Variants in UBE2E2 observed in about 807,000 individuals in gnomAD.
UBE2E2 encodes the protein ubiquitin conjugating enzyme E2 E2.
In UBE2E2, 6 loss-of-function variants were observed where a neutral mutation model predicts 24.7. The ratio of observed to expected loss-of-function variants is 0.24; its 90% CI spans 0.13 to 0.48. The LOEUF is 0.48. Ranked by LOEUF, UBE2E2 falls within the 20% of genes least tolerant of loss-of-function variation. The pLI is 0.99. For missense variants in UBE2E2, 169 were observed against 245.0 expected (o/e 0.69, Z 2.07); for synonymous variants, 104 against 83.6 (o/e 1.24, Z -1.33).
rs1238113326 is a variant in UBE2E2 at position 23,282,465 on chromosome 3, T to A, written c.227+65153T>A. On this transcript the variant is annotated intron_variant, in intron 3 of 5. Coordinates refer to ENST00000396703, the MANE Select transcript of UBE2E2 (RefSeq NM_152653.4). Reference sequence around the variant, plus strand: ...TAAAAGCAAAGCACACACACAAAATTCTTGTGTCGGTAGCTGATAAATTTA... The same window carrying A: ...TAAAAGCAAAGCACACACACAAAATACTTGTGTCGGTAGCTGATAAATTTA... Among the ~76,000 whole-genome samples, 9 of 152,150 alleles carry A rather than the reference T, an allele frequency of 5.9e-5. 1 individual carries two copies. The South Asian group carries it at 1.5e-3, about 25-fold the overall frequency.
At chr3:23,446,139 G>C (rs1297745647) in intron 3 of UBE2E2, among the ~76,000 whole-genome samples, 1 of 152,140 alleles carries the variant, frequency 6.6e-6, no homozygotes, top group Non-Finnish European at 1.5e-5. Context: ...GCATCCTTCG[G>C]GGTCTCTGAT....
chr3:23,308,825 C>T lies in UBE2E2; in HGVS notation c.227+91513C>T, dbSNP rs73136282. Among the ~76,000 whole-genome samples the T allele has an allele frequency of 8.4e-4, 128 of 152,220 alleles. 1 individual carries two copies. Among genetic ancestry groups the T allele is most frequent in the African/African-American group, 2.9e-3 (119 of 41,540 alleles). On this transcript the variant is annotated intron_variant, in intron 3 of 5. Coordinates refer to ENST00000396703, the MANE Select transcript of UBE2E2 (RefSeq NM_152653.4). The stretch of plus-strand genomic sequence containing the variant: ...CCGGTAGCATGGCTCTCTCTAAGTC[C>T]GGAAGCCTCAAAACCGGGTAAGCTG...
chr3:23,536,571 A>G lies in UBE2E2; in HGVS notation c.508+3870A>G, dbSNP rs140006626. On this transcript the variant is annotated intron_variant, in intron 5 of 5. Coordinates refer to ENST00000396703, the MANE Select transcript of UBE2E2 (RefSeq NM_152653.4). ...TTATGAGACAGTCAGAAAGTTGACA[A>G]TGAAACATTTGATATTGAGAAATTA... Among the ~76,000 whole-genome samples the G allele has an allele frequency of 5.6e-4, 86 of 152,374 alleles. 2 individuals carry two copies. The East Asian group carries it at 0.015, about 26-fold the overall frequency.
rs143026271 is a variant in UBE2E2 at position 23,421,702 on chromosome 3, G to T, written c.228-77906G>T. Among the ~76,000 whole-genome samples, 3 of 152,290 alleles carry T rather than the reference G, an allele frequency of 2.0e-5. No homozygotes were observed. In the East Asian group the frequency reaches 5.8e-4, roughly 29 times the overall value. ...ATTACAGACGTGAGCCACCATACCT[G>T]GCCTGGAGGCCATTGTCTTAAGTGA... On this transcript the variant is annotated intron_variant, in intron 3 of 5. Coordinates refer to ENST00000396703, the MANE Select transcript of UBE2E2 (RefSeq NM_152653.4).
chr3:23,560,206 C>T (rs979438949), intron 5 of UBE2E2, among the ~76,000 whole-genome samples: 56 of 140,896 alleles, frequency 4.0e-4, no homozygotes, highest in Non-Finnish European at 5.1e-4. Flanking sequence ...GCTATACCTC[C>T]CCCCTCCCCC....
At chr3:23,331,385 G>A (rs1176150900) in intron 3 of UBE2E2, among the ~76,000 whole-genome samples, 1 of 152,120 alleles carries the variant, frequency 6.6e-6, no homozygotes, top group Non-Finnish European at 1.5e-5. Flanking sequence ...AGTTTACATT[G>A]TAGTGGAGGA....
chr3:23,537,296 A>G (rs192209415), intron 5 of UBE2E2, among the ~76,000 whole-genome samples: 1 of 152,214 alleles, frequency 6.6e-6, no homozygotes, highest in Non-Finnish European at 1.5e-5. Flanking sequence ...AGGCAGAACT[A>G]TACAGGTCAG....
intron 3 of UBE2E2, among the ~76,000 whole-genome samples, chr3:23,313,386 CTTTT>C (rs34208918): frequency 8.9e-6 from 1 of 111,870 alleles, no homozygotes; most frequent in Admixed American, 1.1e-4. Context: ...ATCATTGGGT[CTTTT>C]TTTTTTTTTT....
At chr3:23,330,637 C>G (rs1039202249) in intron 3 of UBE2E2, among the ~76,000 whole-genome samples, 2 of 152,052 alleles carry the variant, frequency 1.3e-5, no homozygotes, top group Admixed American at 1.3e-4. Flanking sequence ...TTCACATGAC[C>G]CCTTCATTGT....
intron 3 of UBE2E2, 29 bp from the exon 4 acceptor site, chr3:23,499,579 G>A: frequency 6.3e-7 from 1 of 1,591,532 alleles, no homozygotes; most frequent in South Asian, 1.2e-5. Context: ...TAATTTCTAA[G>A]CACATTTCAT....
intron 3 of UBE2E2, among the ~76,000 whole-genome samples, chr3:23,240,662 C>T (rs746162251): frequency 1.3e-5 from 2 of 152,148 alleles, no homozygotes; most frequent in Non-Finnish European, 2.9e-5. Flanking sequence ...TTCACTTCTA[C>T]GATTATACAT....
At chr3:23,536,915 CAGT>C (rs1695278969) in intron 5 of UBE2E2, among the ~76,000 whole-genome samples, 1 of 152,160 alleles carries the variant, frequency 6.6e-6, no homozygotes, top group African/African-American at 2.4e-5. Flanking sequence ...TTAATGTCAT[CAGT>C]AGGTTCTTAG....
At chr3:23,493,382 C>T (rs747527371) in intron 3 of UBE2E2, among the ~76,000 whole-genome samples, 1 of 152,216 alleles carries the variant, frequency 6.6e-6, no homozygotes, top group Non-Finnish European at 1.5e-5. Context: ...GGAAGCTGAA[C>T]ACAGTTTGAT....
Position 23,217,280 on chromosome 3 carries a change from A to C in UBE2E2, c.195A>C (p.Ala65=), listed in dbSNP as rs573947697. 1.2e-6 allele frequency: 2 copies of C among 1,612,730 alleles called. No individual in the cohort carries two copies. The highest frequency in any genetic ancestry group is 1.7e-6 in the Non-Finnish European group (2 of 1,179,138). ...TTTAAAGAATTCAGAAGGAACTTGC[A>C]GAAATCACATTGGACCCTCCTCCCA... ...TSAKRIQKEL[A]EITLDPPPNC... is the part of the protein sequence containing the mutation. Residue 65 remains alanine (A), a synonymous_variant, in exon 3 of 6, where the codon GCA becomes GCC. Coordinates refer to ENST00000396703, the MANE Select transcript of UBE2E2 (RefSeq NM_152653.4).
chr3:23,444,031 C>T (rs61500565), intron 3 of UBE2E2, among the ~76,000 whole-genome samples: 6,015 of 149,446 alleles, frequency 0.04, 424 homozygotes, highest in African/African-American at 0.14. Context: ...TACACATCTT[C>T]TATCACTCAT....
chr3:23,273,088 T>G (rs1268724908), intron 3 of UBE2E2, among the ~76,000 whole-genome samples: 1 of 152,198 alleles, frequency 6.6e-6, no homozygotes, highest in African/African-American at 2.4e-5. Flanking sequence ...GAATAATGTT[T>G]GACCAAATGT....
intron 4 of UBE2E2, among the ~76,000 whole-genome samples, chr3:23,504,507 T>C (rs543751414): frequency 6.6e-6 from 1 of 152,340 alleles, no homozygotes; most frequent in East Asian, 1.9e-4. Flanking sequence ...TTGGTAACGA[T>C]TGACAAATCG....
At chr3:23,439,975 T>TAA (rs34334389) in intron 3 of UBE2E2, among the ~76,000 whole-genome samples, 10 of 141,282 alleles carry the variant, frequency 7.1e-5, no homozygotes, top group African/African-American at 1.0e-4. Flanking sequence ...TTTTTTATAT[T>TAA]AAAAAAAAAA....
intron 3 of UBE2E2, among the ~76,000 whole-genome samples, chr3:23,401,951 G>C (rs1697234216): frequency 6.6e-6 from 1 of 150,804 alleles, no homozygotes; most frequent in Non-Finnish European, 1.5e-5. Context: ...CTACCTCCTG[G>C]GTTCAAGCAA....
Sources: gnomAD v4.1 joint callset for allele counts (sites outside exome capture counted in the v4.1 genomes callset) on GRCh38, gnomAD v4.1.1 for gene constraint, MANE v1.5 for transcripts, NCBI Gene and HGNC (gene_info 2026-07-23, HGNC 2026-07-21) for gene names.